The following LAMA2 variants were observed in gnomAD, a reference collection of about 807,000 sequenced individuals.
LAMA2 encodes the protein laminin subunit alpha-2.
LAMA2 carries 269 observed loss-of-function variants against 364.8 expected under a neutral mutation model. That is an observed-to-expected ratio of 0.74 (90% CI 0.67 to 0.82). LAMA2 has a LOEUF of 0.82. Among genes scored for constraint, LAMA2 ranks in the 40% least tolerant of loss-of-function variants. The pLI is 0.00. For synonymous variants in LAMA2, 1,379 were observed against 1,370.6 expected (o/e 1.01, Z -0.14); for missense variants, 3,807 against 3,873.2 (o/e 0.98, Z 0.45).
At chr6:128,994,960 T>C (rs2114667887) in intron 1 of LAMA2, among the ~76,000 whole-genome samples, 1 of 152,316 alleles carries the variant, frequency 6.6e-6, no homozygotes, top group Admixed American at 6.5e-5. Flanking sequence ...GATTTGTGAC[T>C]CTTCAGTGAC....
chr6:129,046,508 A>G (rs1403715992), intron 1 of LAMA2, among the ~76,000 whole-genome samples: 1 of 152,206 alleles, frequency 6.6e-6, no homozygotes, highest in Admixed American at 6.5e-5. Flanking sequence ...ACAGCATGAG[A>G]AAAACCTGCC....
chr6:129,126,352 A>G (rs1211266147), intron 4 of LAMA2, among the ~76,000 whole-genome samples: 1 of 152,238 alleles, frequency 6.6e-6, no homozygotes, highest in Non-Finnish European at 1.5e-5. Context: ...ATATCCAGAT[A>G]GTAATAAACG....
At chr6:129,131,662 C>G (rs1390938486) in intron 4 of LAMA2, among the ~76,000 whole-genome samples, 1 of 152,132 alleles carries the variant, frequency 6.6e-6, no homozygotes, top group East Asian at 1.9e-4. Context: ...AGCCAACATC[C>G]TACAAAACTA....
At chr6:128,991,422 T>C (rs1307288442) in intron 1 of LAMA2, among the ~76,000 whole-genome samples, 2 of 152,180 alleles carry the variant, frequency 1.3e-5, no homozygotes, top group Admixed American at 6.5e-5. Flanking sequence ...ATTCAATCTA[T>C]TATGGAAGCA....
chr6:129,242,738 T>G (rs1438989778), intron 12 of LAMA2, among the ~76,000 whole-genome samples: 1 of 152,130 alleles, frequency 6.6e-6, no homozygotes, highest in Non-Finnish European at 1.5e-5. Flanking sequence ...ACCCTGTTTT[T>G]GGGTCTGGGC....
chr6:129,256,366 A>G (rs1228748625), intron 14 of LAMA2, among the ~76,000 whole-genome samples: 1 of 152,144 alleles, frequency 6.6e-6, no homozygotes, highest in Non-Finnish European at 1.5e-5. Flanking sequence ...ATCATAGTAC[A>G]CAGAAAATAG....
At chr6:129,075,751 A>T (rs761406572) in intron 3 of LAMA2, among the ~76,000 whole-genome samples, 27 of 152,122 alleles carry the variant, frequency 1.8e-4, no homozygotes, top group Non-Finnish European at 3.5e-4. Flanking sequence ...GAATGGAGAT[A>T]CTGGGTGGCA....
chr6:128,944,580 GTCAGGAGT>G (rs929182970), intron 1 of LAMA2, among the ~76,000 whole-genome samples: 1 of 151,744 alleles, frequency 6.6e-6, no homozygotes, highest in Non-Finnish European at 1.5e-5. Context: ...AGACCACGAT[GTCAGGAGT>G]TCAAGACCAG....
At chr6:129,435,921 G>A (rs1290696899) in intron 41 of LAMA2, among the ~76,000 whole-genome samples, 1 of 152,050 alleles carries the variant, frequency 6.6e-6, no homozygotes, top group Non-Finnish European at 1.5e-5. Context: ...TGAGCCACAT[G>A]CACAACCTCT....
At chr6:129,293,905 C>T (rs74297190) in intron 20 of LAMA2, among the ~76,000 whole-genome samples, 11,653 of 152,232 alleles carry the variant, frequency 0.077, 651 homozygotes, top group East Asian at 0.31. Flanking sequence ...TAGATCAAAT[C>T]CTGGCCTCAT....
At chr6:129,289,038 T>A (rs1789498201) in intron 19 of LAMA2, among the ~76,000 whole-genome samples, 1 of 152,182 alleles carries the variant, frequency 6.6e-6, no homozygotes, top group Admixed American at 6.5e-5. Flanking sequence ...GGTACCCTAT[T>A]TCATTAAGAA....
intron 18 of LAMA2, among the ~76,000 whole-genome samples, chr6:129,286,849 A>T (rs1433015676): frequency 2.1e-4 from 2 of 9,556 alleles, no homozygotes; most frequent in African/African-American, 3.5e-4. Context: ...ATAATATATT[A>T]TATAATATAT....
intron 29 of LAMA2, 71 bp downstream of exon 29, chr6:129,328,483 T>C (rs2114533338): frequency 6.2e-7 from 1 of 1,612,158 alleles, no homozygotes. Context: ...AGCATCTGCA[T>C]GCAGAGGCCA....
chr6:129,052,559 T>C lies in LAMA2; in HGVS notation c.283+2471T>C, dbSNP rs183741475. 1.4e-4 allele frequency among the ~76,000 whole-genome samples: 22 copies of C among 152,190 alleles called. No homozygotes were observed. In the East Asian group the frequency reaches 4.1e-3, roughly 28 times the overall value. On this transcript the variant is annotated intron_variant, in intron 2 of 64. Transcript: ENST00000421865. Reference sequence around the variant, plus strand: ...TATTTCCCCCGCCCCAACACATGCGTGGACTTCTCCATTACCAAAATCCCC... The same window carrying C: ...TATTTCCCCCGCCCCAACACATGCGCGGACTTCTCCATTACCAAAATCCCC...
chr6:129,431,260 A>T lies in LAMA2; in HGVS notation c.5968+3406A>T, dbSNP rs34573140. 6.1e-3 allele frequency among the ~76,000 whole-genome samples: 920 copies of T among 152,032 alleles called. 8 individuals carry two copies. Among genetic ancestry groups the T allele is most frequent in the African/African-American group, 0.02 (822 of 41,484 alleles). On this transcript the variant is annotated intron_variant, in intron 41 of 64. Coordinates refer to ENST00000421865, the MANE Select transcript of LAMA2 (RefSeq NM_000426.4). Reference sequence around the variant, plus strand: ...CTAAAAACGCAAAAATTAGCTGGGCATGGTGGTGGGTGCCTGTAATCCCAG... The same window carrying T: ...CTAAAAACGCAAAAATTAGCTGGGCTTGGTGGTGGGTGCCTGTAATCCCAG...
intron 16 of LAMA2, among the ~76,000 whole-genome samples, chr6:129,269,322 A>G (rs1039513486): frequency 6.6e-6 from 1 of 150,994 alleles, no homozygotes; most frequent in Non-Finnish European, 1.5e-5. Context: ...TCGTAACAGG[A>G]CACCTGTAAA....
chr6:129,422,441 A>G (rs995132915), intron 40 of LAMA2, among the ~76,000 whole-genome samples: 10 of 152,134 alleles, frequency 6.6e-5, no homozygotes, highest in Non-Finnish European at 1.0e-4. Context: ...TGGAAAATCA[A>G]TACATTGATA....
At chr6:129,159,573 C>T (rs778153433) in intron 8 of LAMA2, among the ~76,000 whole-genome samples, 4 of 152,202 alleles carry the variant, frequency 2.6e-5, no homozygotes, top group Admixed American at 6.5e-5. Flanking sequence ...GAAACGTACA[C>T]ATAAACAATC....
intron 9 of LAMA2, among the ~76,000 whole-genome samples, chr6:129,175,598 AC>A (rs1265149473): frequency 6.6e-6 from 1 of 152,136 alleles, no homozygotes; most frequent in Non-Finnish European, 1.5e-5. Flanking sequence ...ATTACAGAAA[AC>A]CAAACACCGC....
Sources: gnomAD v4.1 joint callset for allele counts (sites outside exome capture counted in the v4.1 genomes callset) on GRCh38, gnomAD v4.1.1 for gene constraint, MANE v1.5 for transcripts, NCBI Gene and HGNC (gene_info 2026-07-23, HGNC 2026-07-21) for gene names.